Variants in ABCA12 observed in about 807,000 individuals in gnomAD.
ABCA12 encodes glucosylceramide transporter ABCA12.
In ABCA12, 156 loss-of-function variants were observed where a neutral mutation model predicts 293.5. The ratio of observed to expected loss-of-function variants is 0.53; its 90% confidence interval spans 0.47 to 0.61. The LOEUF is 0.61. ABCA12 is among the 20% of genes least tolerant of loss of function. The probability of loss-of-function intolerance (pLI) is 0.00; values close to 1 mark genes in which losing one functional copy is unlikely to be tolerated. For missense variants in ABCA12, 2,797 were observed against 3,090.2 expected (o/e 0.91, Z 2.25); for synonymous variants, 1,063 against 1,108.0 (o/e 0.96, Z 0.81).
At chr2:215,103,875 T>G (rs1205670601) in intron 2 of ABCA12, among the ~76,000 whole-genome samples, 1 of 152,082 alleles carries the variant, frequency 6.6e-6, no homozygotes, top group Non-Finnish European at 1.5e-5. Flanking sequence ...TAACCCCAGC[T>G]ACTCAGGAGG....
intron 40 of ABCA12, among the ~76,000 whole-genome samples, chr2:214,958,784 G>A (rs936093390): frequency 1.3e-5 from 2 of 152,126 alleles, no homozygotes; most frequent in African/African-American, 2.4e-5. Flanking sequence ...AAGTGATGTA[G>A]CACTTATCAC....
In ABCA12 at chr2:215,010,332, T is replaced by G. The variant is rs1192549886; in HGVS notation, c.2471A>C (p.Lys824Thr). 2 of 1,613,438 alleles carry G rather than the reference T, an allele frequency of 1.2e-6. No individual in the cohort carries two copies. Among genetic ancestry groups the G allele is most frequent in the Non-Finnish European group, 1.7e-6 (2 of 1,179,582 alleles). The stretch of plus-strand genomic sequence containing the variant: ...GAAACTGAGTTATAATGGTCAAACC[T>G]TTTCCATTATTGCCTTTGTGACTGG... ...YNPVTKAIME[K>T]SNVTLRQLAE... Residue 824 changes from lysine (K) to threonine (T), a missense_variant and splice_region_variant, in exon 18 of 53, where the codon AAG becomes ACG. Physicochemically the swap from Lys to Thr is moderately conservative, Grantham distance 78 (BLOSUM62 -1). Coordinates refer to ENST00000272895, the MANE Select transcript of ABCA12 (RefSeq NM_173076.3).
In ABCA12 at chr2:215,046,136, C is replaced by T. The variant is rs574357085; in HGVS notation, c.694-121G>A. The T allele has an allele frequency of 2.5e-5, 24 of 979,466 alleles. 1 individual carries two copies. In the South Asian group the frequency reaches 3.5e-4, roughly 14 times the overall value. 60.7% of individuals were successfully genotyped at this position (979,466 alleles called of 1,614,324 possible). ...CACATAAGCAATTCTTTTAGACCTT[C>T]ACTCAGTTTGAAGCCAATCTTTTAT... On this transcript the variant is annotated intron_variant, in intron 6 of 52. Transcript: ENST00000272895.
chr2:215,007,479 C>T (rs1559142760), intron 19 of ABCA12, among the ~76,000 whole-genome samples: 1 of 152,124 alleles, frequency 6.6e-6, no homozygotes, highest in African/African-American at 2.4e-5. Flanking sequence ...AGTTATGTCT[C>T]TAGATCAACT....
intron 9 of ABCA12, among the ~76,000 whole-genome samples, chr2:215,028,905 T>G (rs1700809929): frequency 6.6e-6 from 1 of 152,196 alleles, no homozygotes; most frequent in Admixed American, 6.5e-5. Context: ...TTTGAAATGA[T>G]AGTTTCAGAA....
At chr2:215,116,891 T>C (rs188472602) in intron 1 of ABCA12, among the ~76,000 whole-genome samples, 22 of 152,140 alleles carry the variant, frequency 1.4e-4, no homozygotes, top group Non-Finnish European at 3.1e-4. Context: ...CAAGGAAAAA[T>C]TGAGAAACTG....
intron 7 of ABCA12, among the ~76,000 whole-genome samples, chr2:215,038,469 A>G (rs1701033369): frequency 6.6e-6 from 1 of 152,220 alleles, no homozygotes; most frequent in Admixed American, 6.5e-5. Context: ...TTCTGCACAG[A>G]GCCCACAGGC....
At chr2:215,081,779 A>C (rs117017296) in intron 2 of ABCA12, among the ~76,000 whole-genome samples, 1,838 of 152,288 alleles carry the variant, frequency 0.012, 20 homozygotes, top group Middle Eastern at 0.041. Flanking sequence ...CCAGGAGAGA[A>C]TGTCAGGACA....
intron 1 of ABCA12, among the ~76,000 whole-genome samples, chr2:215,124,112 T>G (rs1199581103): frequency 6.6e-6 from 1 of 152,262 alleles, no homozygotes; most frequent in Non-Finnish European, 1.5e-5. Flanking sequence ...TTCCTTTTTA[T>G]GGCTGCGTAG....
chr2:215,003,418 T>C (rs2105991792), intron 20 of ABCA12, among the ~76,000 whole-genome samples: 1 of 152,286 alleles, frequency 6.6e-6, no homozygotes, highest in East Asian at 1.9e-4. Context: ...CTTTTGAGTC[T>C]CCCCATTGCG....
chr2:215,064,688 T>TAC (rs1323183587), intron 2 of ABCA12, among the ~76,000 whole-genome samples: 89 of 128,686 alleles, frequency 6.9e-4, no homozygotes, highest in African/African-American at 2.7e-3. Context: ...AATCTTTTAA[T>TAC]ACACGCACAC....
In ABCA12 at chr2:214,986,840, A is replaced by C; in HGVS notation, c.3977-112T>G. ...ACTATAAAAATATAACCCTCTAAGT[A>C]AAATAAAAAATCCAGAAACAAATGA... On this transcript the variant is annotated intron_variant, in intron 27 of 52. Transcript: ENST00000272895. 6.2e-6 allele frequency: 6 copies of C among 974,472 alleles called. No individual in the cohort carries two copies. The South Asian group carries it at 9.0e-5, about 15-fold the overall frequency. The allele number at this position is 974,472 out of a possible 1,614,324, so 60.4% of individuals were successfully genotyped here.
chr2:214,983,586 C>A, intron 29 of ABCA12, 61 bp downstream of exon 29: 1 of 1,448,228 alleles, frequency 6.9e-7, no homozygotes, highest in South Asian at 1.1e-5. Context: ...ACTTTACCAA[C>A]CAAGCTATGG....
intron 23 of ABCA12, among the ~76,000 whole-genome samples, chr2:214,993,310 G>T (rs560298223): frequency 2.0e-5 from 3 of 152,326 alleles, no homozygotes; most frequent in African/African-American, 7.2e-5. Context: ...GGTCAAAGTA[G>T]CATGAAGCAA....
intron 5 of ABCA12, 111 bp from the exon 6 acceptor site, chr2:215,049,922 C>T (rs1178944851): frequency 3.2e-6 from 3 of 930,404 alleles, no homozygotes; most frequent in Non-Finnish European, 5.0e-6. Flanking sequence ...TTTTGAGGTC[C>T]TCCATTATAG....
chr2:214,962,389 T>C (rs140336495), intron 39 of ABCA12: 2 of 152,188 alleles, frequency 1.3e-5, no homozygotes, highest in Non-Finnish European at 2.9e-5. Flanking sequence ...GATAATAATA[T>C]TCACCCTGAA....
chr2:215,103,158 C>G (rs1702391418), intron 2 of ABCA12, among the ~76,000 whole-genome samples: 1 of 151,944 alleles, frequency 6.6e-6, no homozygotes, highest in Non-Finnish European at 1.5e-5. Context: ...GCTGTGAGGG[C>G]TCATGGCTTT....
At chr2:214,979,077 T>C in intron 31 of ABCA12, 37 bp from the exon 32 acceptor site, 1 of 1,569,754 alleles carries the variant, frequency 6.4e-7, no homozygotes, top group Non-Finnish European at 8.8e-7. Context: ...CACTCTCCTC[T>C]CTTTACACTA....
chr2:215,034,677 T>A (rs1700953557), intron 8 of ABCA12, among the ~76,000 whole-genome samples: 1 of 152,216 alleles, frequency 6.6e-6, no homozygotes, highest in Admixed American at 6.5e-5. Flanking sequence ...GTTTGGCCAC[T>A]TACTGGATGA....
Sources: allele counts gnomAD v4.1 joint callset (sites outside exome capture counted in the v4.1 genomes callset), GRCh38; gene constraint gnomAD v4.1.1; transcripts MANE v1.5; gene names NCBI Gene and HGNC (gene_info 2026-07-23, HGNC 2026-07-21).